INSM1: variants seen among roughly 807,000 people sequenced by gnomAD.
INSM1 encodes INSM transcriptional repressor 1, also known as insulinoma-associated protein 1.
Under a neutral mutation model 21.1 loss-of-function variants are expected in INSM1, and 11 were observed. That is an observed-to-expected ratio of 0.52 (90% CI 0.33 to 0.86). The LOEUF (loss-of-function observed/expected upper bound fraction) is 0.86. Ranked by LOEUF, INSM1 falls within the 40% of genes least tolerant of loss-of-function variation. The pLI, the probability that INSM1 is intolerant of heterozygous loss-of-function variation, is 0.03. For synonymous variants in INSM1, 473 were observed against 386.1 expected (o/e 1.23, Z -2.64); for missense variants, 843 against 760.1 (o/e 1.11, Z -1.28).
rs2059494847 is a variant in INSM1 at position 20,370,116 on chromosome 20, G to A, written c.*316G>A. ...TCGTGGTTGGAAGCCTCCCCTTGGC[G>A]GGGAGAAGCTTTTTTTCTTGCTAGT... On this transcript the variant is annotated 3_prime_UTR_variant, in exon 1 of 1. Coordinates refer to ENST00000310227, the MANE Select transcript of INSM1 (RefSeq NM_002196.3). 9.0e-6 allele frequency: 3 copies of A among 332,476 alleles called. No individual in the cohort carries two copies. The highest frequency in any genetic ancestry group is 1.1e-5 in the Non-Finnish European group (2 of 174,036). 20.6% of individuals were successfully genotyped at this position (332,476 alleles called of 1,614,324 possible).
In INSM1 at chr20:20,368,889, G is replaced by C. The variant is rs2059487172; in HGVS notation, c.622G>C (p.Ala208Pro). The stretch of plus-strand genomic sequence containing the variant: ...AAAGCGGCCCCCGCCCCCTACCGCC[G>C]CGGAGCCGCCCGCCAAGGCAGTCAA... ...PGKRPPPPTA[A>P]EPPAKAVKAP... Residue 208 changes from alanine (A) to proline (P), a missense_variant, in exon 1 of 1, where the codon GCG becomes CCG. Physicochemically the swap from Ala to Pro is conservative, Grantham distance 27 (BLOSUM62 -1). Coordinates refer to ENST00000310227, the MANE Select transcript of INSM1 (RefSeq NM_002196.3). The surrounding 1 kb of genome is among the most constrained non-coding windows in gnomAD (Gnocchi z 4.3). The C allele has an allele frequency of 1.4e-6, 2 of 1,464,000 alleles. No homozygotes were observed. Among genetic ancestry groups the C allele is most frequent in the Non-Finnish European group, 1.8e-6 (2 of 1,109,626 alleles). 90.7% of individuals were successfully genotyped at this position (1,464,000 alleles called of 1,614,324 possible).
Position 20,368,503 on chromosome 20 carries a change from C to CCCCGCAGGG in INSM1, c.242_250dup (p.Gln81_Pro83dup). ...GCCTGCGCGCCTGGGCCGCAGCCAC[C>CCCCGCAGGG]CCCGCAGGGCCCGCGGGCCGCGCAC... On this transcript the variant is annotated inframe_insertion, in exon 1 of 1. Transcript: ENST00000310227. The surrounding 1 kb of genome is among the most constrained non-coding windows in gnomAD (Gnocchi z 4.3). 1 of 1,196,840 alleles carries CCCCGCAGGG rather than the reference C, an allele frequency of 8.4e-7. No individual in the cohort carries two copies. Among genetic ancestry groups the CCCCGCAGGG allele is most frequent in the Non-Finnish European group, 1.1e-6 (1 of 952,022 alleles). 74.1% of individuals were successfully genotyped at this position (1,196,840 alleles called of 1,614,324 possible).
At position 20,369,285 on chromosome 20, in the gene INSM1, C is replaced by A. The variant is rs565585600; in HGVS notation, c.1018C>A (p.Arg340=). 2 of 1,376,036 alleles carry A rather than the reference C, an allele frequency of 1.5e-6. No homozygotes were observed. Among genetic ancestry groups the A allele is most frequent in the Non-Finnish European group, 9.3e-7 (1 of 1,077,678 alleles). 85.2% of individuals were successfully genotyped at this position (1,376,036 alleles called of 1,614,324 possible). A position where few individuals can be genotyped will look rare whatever the true frequency, so the allele number is the denominator to read the frequency against. Residue 340 remains arginine, a synonymous_variant, in exon 1 of 1, where the codon CGG becomes AGG. Coordinates refer to ENST00000310227, the MANE Select transcript of INSM1 (RefSeq NM_002196.3). This position sits in a 1 kb window ranked among gnomAD's most constrained non-coding sequence, Gnocchi z 5.6. ...EPEAAARAEA[R]EAPGGGSDRD... is the part of the protein sequence containing the mutation. Reference sequence around the variant, plus strand: ...AGAAGCAGCAGCCAGGGCTGAGGCGCGGGAGGCACCCGGCGGCGGCAGCGA... The same window carrying A: ...AGAAGCAGCAGCCAGGGCTGAGGCGAGGGAGGCACCCGGCGGCGGCAGCGA...
At position 20,368,532 on chromosome 20, in the gene INSM1, G is replaced by A. The variant is rs1569342897; in HGVS notation, c.265G>A (p.Gly89Ser). ...GCAGGGCCCGCGGGCCGCGCACTTCGGCAACCCCGAGGCTGCGCACCCCGC... is the reference window on the plus strand; with the variant it reads ...GCAGGGCCCGCGGGCCGCGCACTTCAGCAACCCCGAGGCTGCGCACCCCGC... The part of the protein sequence containing the change: ...PPQGPRAAHF[G>S]NPEAAHPAPL... Residue 89 changes from glycine to serine, a missense_variant, in exon 1 of 1, where the codon GGC becomes AGC. By Grantham distance (56) the Gly-to-Ser change is moderately conservative (BLOSUM62 0). Coordinates refer to ENST00000310227, the MANE Select transcript of INSM1 (RefSeq NM_002196.3). This position sits in a 1 kb window ranked among gnomAD's most constrained non-coding sequence, Gnocchi z 4.3. 3 of 1,311,584 alleles carry A rather than the reference G, an allele frequency of 2.3e-6. No individual in the cohort carries two copies. Among genetic ancestry groups the A allele is most frequent in the Non-Finnish European group, 2.0e-6 (2 of 1,011,912 alleles). 81.2% of individuals were successfully genotyped at this position (1,311,584 alleles called of 1,614,324 possible).
Position 20,369,640 on chromosome 20 carries a change from G to A in INSM1, c.1373G>A (p.Arg458His), listed in dbSNP as rs1261665914. The change falls in exon 1 of 1, where the codon CGC becomes CAC. Residue 458 changes from arginine to histidine, a missense_variant. Physicochemically the swap from Arg to His is conservative, Grantham distance 29. Coordinates refer to ENST00000310227, the MANE Select transcript of INSM1 (RefSeq NM_002196.3). This position sits in a 1 kb window ranked among gnomAD's most constrained non-coding sequence, Gnocchi z 5.6. ...TTCGCCAGCAAGGGCGCTCAGGAGC[G>A]CCACCTGCGCCTGCTGCACGCCGCC... ...ESFASKGAQERHLRLLHAAQV... is the reference protein window; with the variant it reads ...ESFASKGAQEHHLRLLHAAQV... 26 of 1,600,692 alleles carry A rather than the reference G, an allele frequency of 1.6e-5. No individual in the cohort carries two copies. Among genetic ancestry groups the A allele is most frequent in the Non-Finnish European group, 2.0e-5 (24 of 1,179,742 alleles).
Position 20,369,369 on chromosome 20 carries a change from G to A in INSM1, c.1102G>A (p.Glu368Lys). 1.3e-6 allele frequency: 2 copies of A among 1,540,180 alleles called. No homozygotes were observed. Among genetic ancestry groups the A allele is most frequent in the Non-Finnish European group, 1.7e-6 (2 of 1,155,076 alleles). ...SESGSEDGLY[E>K]CHHCAKKFRR... ...GTCGGGCTCCGAGGACGGGCTCTAC[G>A]AGTGCCATCACTGCGCCAAGAAGTT... The change falls in exon 1 of 1, where the codon GAG becomes AAG. Residue 368 changes from glutamate (E) to lysine (K), a missense_variant. Glu to Lys is a moderately conservative substitution (Grantham distance 56, BLOSUM62 1). Coordinates refer to ENST00000310227, the MANE Select transcript of INSM1 (RefSeq NM_002196.3). This position sits in a 1 kb window ranked among gnomAD's most constrained non-coding sequence, Gnocchi z 5.6.
Position 20,368,226 on chromosome 20 carries a change from A to AG in INSM1, c.-36dup, listed in dbSNP as rs2059482848. On this transcript the variant is annotated 5_prime_UTR_variant, in exon 1 of 1. Transcript: ENST00000310227. This position sits in a 1 kb window ranked among gnomAD's most constrained non-coding sequence, Gnocchi z 4.3. ...TGAGGGCCGCCGGGGCCGAGCGCGG[A>AG]GGGGGGACCGAGCCAGTGCCGTGCC... 9.1e-6 allele frequency: 10 copies of AG among 1,092,994 alleles called. No homozygotes were observed. Among genetic ancestry groups the AG allele is most frequent in the Non-Finnish European group, 1.0e-5 (9 of 897,784 alleles). The allele number at this position is 1,092,994 out of a possible 1,614,324, so 67.7% of individuals were successfully genotyped here.
Position 20,368,297 on chromosome 20 carries a change from CA to C in INSM1, c.32del (p.Lys11ArgfsTer96). The C allele has an allele frequency of 7.6e-7, 1 of 1,314,968 alleles. No individual in the cohort carries two copies. The highest frequency in any genetic ancestry group is 9.8e-7 in the Non-Finnish European group (1 of 1,015,668). The allele number at this position is 1,314,968 out of a possible 1,614,324, so 81.5% of individuals were successfully genotyped here. ...CCCGCGGCTTCCTGGTGAAGCGCAGCAAGAAGTCCACGCCCGTTTCCTACCG... is the reference window on the plus strand; with the variant it reads ...CCCGCGGCTTCCTGGTGAAGCGCAGCAGAAGTCCACGCCCGTTTCCTACCG... MPRGFLVKRSKKSTPVSYRVR... is the reference protein window; with the variant it reads MPRGFLVKRSXKSTPVSYRVR... On this transcript the variant is annotated frameshift_variant, in exon 1 of 1. Coordinates refer to ENST00000310227, the MANE Select transcript of INSM1 (RefSeq NM_002196.3). LOFTEE classifies it low-confidence loss of function (END_TRUNC). The surrounding 1 kb of genome is among the most constrained non-coding windows in gnomAD (Gnocchi z 4.3).
rs1430048473 is a variant in INSM1 at position 20,370,605 on chromosome 20, GATT to G, written c.*808_*810del. 4 of 166,938 alleles carry G rather than the reference GATT, an allele frequency of 2.4e-5. No individual in the cohort carries two copies. Among genetic ancestry groups the G allele is most frequent in the East Asian group, 3.9e-4 (2 of 5,194 alleles). The allele number at this position is 166,938 out of a possible 1,614,324, so 10.3% of individuals were successfully genotyped here. ...TTTATTTATTTATATTAATTATGAA[GATT>G]ATGATATTATTTGATTGCAGATTTT... On this transcript the variant is annotated 3_prime_UTR_variant, in exon 1 of 1. Transcript: ENST00000310227.
In INSM1 at chr20:20,370,075, G is replaced by A. The variant is rs2059494611; in HGVS notation, c.*275G>A. 1 of 409,550 alleles carries A rather than the reference G, an allele frequency of 2.4e-6. No individual in the cohort carries two copies. The allele number at this position is 409,550 out of a possible 1,614,324, so 25.4% of individuals were successfully genotyped here. On this transcript the variant is annotated 3_prime_UTR_variant, in exon 1 of 1. Transcript: ENST00000310227. ...GTCTCTTTCTGTACAAGGGAGAAAA[G>A]CTGTACGCGTTTGTCTCGTGGTTGG...
chr20:20,369,176 C>A lies in INSM1; in HGVS notation c.909C>A (p.Val303=). Residue 303 remains valine (V), a synonymous_variant, in exon 1 of 1, where the codon GTC becomes GTA. Transcript: ENST00000310227. This position sits in a 1 kb window ranked among gnomAD's most constrained non-coding sequence, Gnocchi z 5.6. ...ACCGCTGTCCCGAGTGCGCCAAGGT[C>A]TTCAGCTGCCCGGCCAACCTGGCCT... ...VEYRCPECAK[V]FSCPANLASH... is the part of the protein sequence containing the mutation. The A allele has an allele frequency of 6.4e-7, 1 of 1,568,736 alleles. No homozygotes were observed. Among genetic ancestry groups the A allele is most frequent in the Non-Finnish European group, 8.6e-7 (1 of 1,165,178 alleles).
Position 20,369,308 on chromosome 20 carries a change from C to G in INSM1, c.1041C>G (p.Ser347Arg). 1.5e-6 allele frequency: 2 copies of G among 1,375,030 alleles called. No individual in the cohort carries two copies. Among genetic ancestry groups the G allele is most frequent in the Non-Finnish European group, 1.9e-6 (2 of 1,076,884 alleles). The allele number at this position is 1,375,030 out of a possible 1,614,324, so 85.2% of individuals were successfully genotyped here. A position where few individuals can be genotyped will look rare whatever the true frequency, so the allele number is the denominator to read the frequency against. The change falls in exon 1 of 1, where the codon AGC becomes AGG. Residue 347 changes from serine to arginine, a missense_variant. Coordinates refer to ENST00000310227, the MANE Select transcript of INSM1 (RefSeq NM_002196.3). The surrounding 1 kb of genome is among the most constrained non-coding windows in gnomAD (Gnocchi z 5.6). ...AEAREAPGGG[S>R]DRDTPSPGGV... ...CGCGGGAGGCACCCGGCGGCGGCAG[C>G]GACCGGGACACGCCGAGCCCCGGCG... is the stretch of plus-strand genomic sequence containing the variant.
Position 20,369,557 on chromosome 20 carries a change from C to CGTATCATTAAAAAA in INSM1, c.1292_1293insATCATTAAAAAAGT (p.Leu432SerfsTer8). The CGTATCATTAAAAAA allele has an allele frequency of 6.3e-7, 1 of 1,584,744 alleles. No individual in the cohort carries two copies. The highest frequency in any genetic ancestry group is 1.7e-5 in the Admixed American group (1 of 57,930). ...CGGCCGGCGACGGCGAGGGGGCCGGCGTGCTGGGCCTGAGTGCGTCCGCCG... is the reference window on the plus strand; with the variant it reads ...CGGCCGGCGACGGCGAGGGGGCCGGCGTATCATTAAAAAAGTGCTGGGCCTGAGTGCGTCCGCCG... On this transcript the variant is annotated frameshift_variant, in exon 1 of 1. Transcript: ENST00000310227. LOFTEE classifies it high-confidence loss of function. This position sits in a 1 kb window ranked among gnomAD's most constrained non-coding sequence, Gnocchi z 5.6.
In INSM1 at chr20:20,368,584, T is replaced by A; in HGVS notation, c.317T>A (p.Val106Glu). The A allele has an allele frequency of 6.8e-7, 1 of 1,464,354 alleles. No individual in the cohort carries two copies. Among genetic ancestry groups the A allele is most frequent in the Non-Finnish European group, 9.1e-7 (1 of 1,095,996 alleles). The allele number at this position is 1,464,354 out of a possible 1,614,324, so 90.7% of individuals were successfully genotyped here. Residue 106 changes from valine to glutamate, a missense_variant, in exon 1 of 1, where the codon GTG (valine) becomes GAG (glutamate). Val to Glu is a moderately radical substitution (Grantham distance 121, BLOSUM62 -2). Coordinates refer to ENST00000310227, the MANE Select transcript of INSM1 (RefSeq NM_002196.3). The surrounding 1 kb of genome is among the most constrained non-coding windows in gnomAD (Gnocchi z 4.3). ...CCGCTCTACAGTCCCACGCGGCCCG[T>A]GAGCCGCGAGCACGAGAAGCACAAG... is the stretch of plus-strand genomic sequence containing the variant. ...PAPLYSPTRP[V>E]SREHEKHKYF...
Position 20,369,325 on chromosome 20 carries a change from G to A in INSM1, c.1058G>A (p.Ser353Asn). The A allele has an allele frequency of 1.4e-6, 2 of 1,428,564 alleles. No homozygotes were observed. Among genetic ancestry groups the A allele is most frequent in the Non-Finnish European group, 1.8e-6 (2 of 1,102,958 alleles). The allele number at this position is 1,428,564 out of a possible 1,614,324, so 88.5% of individuals were successfully genotyped here. ...PGGGSDRDTP[S>N]PGGVSESGSE... ...GGCGGCAGCGACCGGGACACGCCGA[G>A]CCCCGGCGGCGTGTCCGAGTCGGGC... Residue 353 changes from serine to asparagine, a missense_variant, in exon 1 of 1, where the codon AGC becomes AAC. By Grantham distance (46) the Ser-to-Asn change is conservative. Transcript: ENST00000310227. The surrounding 1 kb of genome is among the most constrained non-coding windows in gnomAD (Gnocchi z 5.6).
chr20:20,368,770 A>T lies in INSM1; in HGVS notation c.503A>T (p.Lys168Met). ...DPLLFAPAEL[K>M]MGTAFSAGAE... is the part of the protein sequence containing the mutation. Reference sequence around the variant, plus strand: ...CTGCTCTTCGCGCCCGCCGAGCTCAAGATGGGCACGGCGTTCTCGGCTGGC... The same window carrying T: ...CTGCTCTTCGCGCCCGCCGAGCTCATGATGGGCACGGCGTTCTCGGCTGGC... Residue 168 changes from lysine to methionine, a missense_variant, in exon 1 of 1, where the codon AAG (lysine) becomes ATG (methionine). By Grantham distance (95) the Lys-to-Met change is moderately conservative. Coordinates refer to ENST00000310227, the MANE Select transcript of INSM1 (RefSeq NM_002196.3). This position sits in a 1 kb window ranked among gnomAD's most constrained non-coding sequence, Gnocchi z 4.3. 2 of 1,128,154 alleles carry T rather than the reference A, an allele frequency of 1.8e-6. No individual in the cohort carries two copies. The highest frequency in any genetic ancestry group is 4.2e-5 in the South Asian group (1 of 23,624). The allele number at this position is 1,128,154 out of a possible 1,614,324, so 69.9% of individuals were successfully genotyped here.
At position 20,368,619 on chromosome 20, in the gene INSM1, C is replaced by G. The variant is rs2059485482; in HGVS notation, c.352C>G (p.Arg118Gly). The change falls in exon 1 of 1, where the codon CGC (arginine) becomes GGC (glycine). Residue 118 changes from arginine to glycine, a missense_variant. Coordinates refer to ENST00000310227, the MANE Select transcript of INSM1 (RefSeq NM_002196.3). The surrounding 1 kb of genome is among the most constrained non-coding windows in gnomAD (Gnocchi z 4.3). The stretch of plus-strand genomic sequence containing the variant: ...GCACGAGAAGCACAAGTACTTCGAA[C>G]GCAGCTTCAACCTGGGCTCGCCGGT... ...REHEKHKYFE[R>G]SFNLGSPVSA... 3 of 1,465,046 alleles carry G rather than the reference C, an allele frequency of 2.0e-6. No homozygotes were observed. The highest frequency in any genetic ancestry group is 2.7e-6 in the Non-Finnish European group (3 of 1,095,670). 90.8% of individuals were successfully genotyped at this position (1,465,046 alleles called of 1,614,324 possible).
At position 20,368,619 on chromosome 20, in the gene INSM1, C is replaced by T; in HGVS notation, c.352C>T (p.Arg118Cys). 1 of 1,465,046 alleles carries T rather than the reference C, an allele frequency of 6.8e-7. No homozygotes were observed. The allele number at this position is 1,465,046 out of a possible 1,614,324, so 90.8% of individuals were successfully genotyped here. Residue 118 changes from arginine (R) to cysteine (C), a missense_variant, in exon 1 of 1, where the codon CGC becomes TGC. Transcript: ENST00000310227. The surrounding 1 kb of genome is among the most constrained non-coding windows in gnomAD (Gnocchi z 4.3). Reference protein sequence around the residue: ...REHEKHKYFERSFNLGSPVSA... With the variant: ...REHEKHKYFECSFNLGSPVSA... The stretch of plus-strand genomic sequence containing the variant: ...GCACGAGAAGCACAAGTACTTCGAA[C>T]GCAGCTTCAACCTGGGCTCGCCGGT...
chr20:20,368,271 C>A lies in INSM1; in HGVS notation c.4C>A (p.Pro2Thr). 4 of 1,275,696 alleles carry A rather than the reference C, an allele frequency of 3.1e-6. No homozygotes were observed. Among genetic ancestry groups the A allele is most frequent in the South Asian group, 1.7e-5 (1 of 60,458 alleles). 79.0% of individuals were successfully genotyped at this position (1,275,696 alleles called of 1,614,324 possible). A position where few individuals can be genotyped will look rare whatever the true frequency, so the allele number is the denominator to read the frequency against. M[P>T]RGFLVKRSKK... ...CGTGCCCTCGGGCCGCGCCAACATG[C>A]CCCGCGGCTTCCTGGTGAAGCGCAG... is the stretch of plus-strand genomic sequence containing the variant. The change falls in exon 1 of 1, where the codon CCC becomes ACC. Residue 2 changes from proline (P) to threonine (T), a missense_variant. By Grantham distance (38) the Pro-to-Thr change is conservative (BLOSUM62 -1). Transcript: ENST00000310227. The surrounding 1 kb of genome is among the most constrained non-coding windows in gnomAD (Gnocchi z 4.3).
Sources: gnomAD v4.1 joint callset for allele counts on GRCh38, gnomAD v4.1.1 for gene constraint, Gnocchi (gnomAD v3.1) non-coding constraint, MANE v1.5 for transcripts, NCBI Gene and HGNC (gene_info 2026-07-23, HGNC 2026-07-21) for gene names.